The following PARD3B variants were observed in gnomAD, a reference collection of about 807,000 sequenced individuals.
The protein encoded by PARD3B is par-3 family cell polarity regulator beta.
In PARD3B, 103 loss-of-function variants were observed where a neutral mutation model predicts 130.2. The ratio of observed to expected loss-of-function variants is 0.79; its 90% CI spans 0.67 to 0.93. The LOEUF is 0.93. PARD3B is among the 40% of genes least tolerant of loss of function. The pLI is 0.00. For synonymous variants in PARD3B, 583 were observed against 553.2 expected (o/e 1.05, Z -0.76); for missense variants, 1,609 against 1,499.2 (o/e 1.07, Z -1.21).
intron 2 of PARD3B, among the ~76,000 whole-genome samples, chr2:204,745,795 A>C (rs1336224857): frequency 6.6e-6 from 1 of 151,950 alleles, no homozygotes; most frequent in Non-Finnish European, 1.5e-5. Flanking sequence ...CTGGAGATGG[A>C]ATTGATATTC....
intron 21 of PARD3B, among the ~76,000 whole-genome samples, chr2:205,533,433 TG>T (rs1259201257): frequency 6.6e-6 from 1 of 152,322 alleles, no homozygotes; most frequent in East Asian, 1.9e-4. Context: ...AAAATTTTCA[TG>T]GGTTAATTCA....
At chr2:205,373,900 G>C (rs2044923631) in intron 18 of PARD3B, among the ~76,000 whole-genome samples, 1 of 152,168 alleles carries the variant, frequency 6.6e-6, no homozygotes, top group Non-Finnish European at 1.5e-5. Flanking sequence ...AACCATTTCA[G>C]ATCCTCCTAG....
At chr2:205,208,804 T>C (rs1294279233) in intron 15 of PARD3B, among the ~76,000 whole-genome samples, 1 of 144,500 alleles carries the variant, frequency 6.9e-6, no homozygotes, top group East Asian at 2.0e-4. Flanking sequence ...CCAGGGTAAT[T>C]TACAGATTCA....
rs145957019 is a variant in PARD3B, at chr2:205,448,933, G to A, written c.3044+8261G>A. ...TGTAATCCCAGCACTTTGGGAGGCC[G>A]AGGCGGGTAGATCACCTGAGGTCAG... On this transcript the variant is annotated intron_variant, in intron 20 of 22. Transcript: ENST00000406610. 7.0e-3 allele frequency among the ~76,000 whole-genome samples: 1,068 copies of A among 152,118 alleles called. 12 individuals carry two copies. The highest frequency in any genetic ancestry group is 0.023 in the African/African-American group (963 of 41,502).
intron 1 of PARD3B, among the ~76,000 whole-genome samples, chr2:204,671,508 C>G (rs903897178): frequency 6.6e-6 from 1 of 152,136 alleles, no homozygotes; most frequent in African/African-American, 2.4e-5. Flanking sequence ...CATGCTAGCT[C>G]TCTTCATTGG....
chr2:205,380,558 TATATATA>T (rs2045327207), intron 18 of PARD3B, among the ~76,000 whole-genome samples: 4 of 29,558 alleles, frequency 1.4e-4, no homozygotes, highest in African/African-American at 8.5e-4. Context: ...GAATATATAT[TATATATA>T]ATATATAAAG....
At chr2:205,250,546 A>G (rs947592016) in intron 16 of PARD3B, among the ~76,000 whole-genome samples, 4 of 152,174 alleles carry the variant, frequency 2.6e-5, no homozygotes, top group African/African-American at 9.7e-5. Context: ...CTCATTAACA[A>G]TCTAGGGAGC....
At chr2:205,527,919 G>C (rs947563179) in intron 21 of PARD3B, among the ~76,000 whole-genome samples, 5 of 152,118 alleles carry the variant, frequency 3.3e-5, no homozygotes, top group Admixed American at 6.6e-5. Context: ...TTTTCAATTA[G>C]CTGATGACAC....
intron 19 of PARD3B, among the ~76,000 whole-genome samples, chr2:205,406,988 C>T (rs2046436483): frequency 6.6e-6 from 1 of 152,090 alleles, no homozygotes; most frequent in Non-Finnish European, 1.5e-5. Flanking sequence ...ACCTTAAATG[C>T]TACTTTGTCC....
At chr2:204,945,218 A>G (rs1235198086) in intron 2 of PARD3B, among the ~76,000 whole-genome samples, 3 of 152,198 alleles carry the variant, frequency 2.0e-5, no homozygotes, top group African/African-American at 4.8e-5. Flanking sequence ...AGAATCTTCA[A>G]ACCTTAACTT....
Position 204,897,188 on chromosome 2 carries a change from A to G in PARD3B, c.223-67964A>G, listed in dbSNP as rs577050147. On this transcript the variant is annotated intron_variant, in intron 2 of 22. Transcript: ENST00000406610. ...CCCTGGTTTCTATAAGGGCTTAGAC[A>G]TATCAGAATATTTTGATTTGTGAGG... is the stretch of plus-strand genomic sequence containing the variant. 1.3e-3 allele frequency among the ~76,000 whole-genome samples: 205 copies of G among 152,238 alleles called. 1 individual carries two copies. The highest frequency in any genetic ancestry group is 2.5e-3 in the South Asian group (12 of 4,820).
chr2:204,870,121 C>T (rs1344509249), intron 2 of PARD3B, among the ~76,000 whole-genome samples: 1 of 152,140 alleles, frequency 6.6e-6, no homozygotes, highest in Non-Finnish European at 1.5e-5. Flanking sequence ...CTCCATTTCT[C>T]TGTCTCTCTC....
chr2:205,065,444 A>G (rs1370210627), intron 4 of PARD3B, among the ~76,000 whole-genome samples: 1 of 152,196 alleles, frequency 6.6e-6, no homozygotes, highest in Non-Finnish European at 1.5e-5. Flanking sequence ...GACCCAATAT[A>G]TAATTTAAAC....
rs1351015048 is a variant in PARD3B, at chr2:205,230,529, T to C, written c.2141-15249T>C. Among the ~76,000 whole-genome samples, 1 of 152,146 alleles carries C rather than the reference T, an allele frequency of 6.6e-6. No homozygotes were observed. Among genetic ancestry groups the C allele is most frequent in the Non-Finnish European group, 1.5e-5 (1 of 68,014 alleles). ...TTGCAAGATGAAGTCCTCTTAACTC[T>C]TCCCTCTTTTCTCCTCTAGCAGAAG... On this transcript the variant is annotated intron_variant, in intron 15 of 22. Transcript: ENST00000406610. The surrounding 1 kb of genome is among the most constrained non-coding windows in gnomAD (Gnocchi z 4.1).
chr2:205,115,445 A>G (rs1387738377), intron 6 of PARD3B, among the ~76,000 whole-genome samples: 1 of 152,138 alleles, frequency 6.6e-6, no homozygotes, highest in East Asian at 1.9e-4. Context: ...CACCTAATGT[A>G]TGAACGTGTA....
At chr2:205,006,736 C>T (rs1458755035) in intron 3 of PARD3B, among the ~76,000 whole-genome samples, 6 of 152,000 alleles carry the variant, frequency 3.9e-5, no homozygotes, top group Non-Finnish European at 5.9e-5. Context: ...GCATAGTTTG[C>T]GAATATTTTC....
intron 19 of PARD3B, among the ~76,000 whole-genome samples, chr2:205,437,949 G>A (rs190210907): frequency 3.6e-4 from 55 of 152,094 alleles, no homozygotes; most frequent in Admixed American, 9.2e-4. Flanking sequence ...GGGGGTGGGG[G>A]TGAGGGTCAA....
chr2:204,851,539 C>G (rs973740114), intron 2 of PARD3B, among the ~76,000 whole-genome samples: 1 of 152,108 alleles, frequency 6.6e-6, no homozygotes, highest in African/African-American at 2.4e-5. Flanking sequence ...AAATGAGATT[C>G]AGTGATAGTT....
intron 5 of PARD3B, among the ~76,000 whole-genome samples, chr2:205,106,625 G>A (rs1267626009): frequency 6.6e-6 from 1 of 151,942 alleles, no homozygotes; most frequent in Non-Finnish European, 1.5e-5. Flanking sequence ...GTGACAGCTA[G>A]AGACTTAATT....
Sources: allele counts gnomAD v4.1 joint callset (sites outside exome capture counted in the v4.1 genomes callset), GRCh38; gene constraint gnomAD v4.1.1; non-coding constraint Gnocchi (gnomAD v3.1); transcripts MANE v1.5; gene names NCBI Gene and HGNC (gene_info 2026-07-23, HGNC 2026-07-21).